Variants in IFT140 observed in about 807,000 individuals in gnomAD.
The protein encoded by IFT140 is intraflagellar transport protein 140 homolog.
Under a neutral mutation model 164.6 loss-of-function variants are expected in IFT140, and 133 were observed. The ratio of observed to expected loss-of-function variants is 0.81; its 90% confidence interval spans 0.70 to 0.93. IFT140 has a LOEUF of 0.93. IFT140 is among the 40% of genes least tolerant of loss of function. The probability of loss-of-function intolerance (pLI) is 0.00; values close to 1 mark genes in which losing one functional copy is unlikely to be tolerated. For synonymous variants in IFT140, 860 were observed against 817.3 expected (o/e 1.05, Z -0.89); for missense variants, 2,045 against 1,972.3 (o/e 1.04, Z -0.70).
intron 1 of IFT140, among the ~76,000 whole-genome samples, chr16:1,611,589 C>G (rs868581250): frequency 6.6e-6 from 1 of 151,730 alleles, no homozygotes; most frequent in East Asian, 1.9e-4. Context: ...CTGAGACGAG[C>G]GGATCACTTG....
chr16:1,539,907 G>A (rs1367709959), intron 19 of IFT140, among the ~76,000 whole-genome samples: 2 of 152,142 alleles, frequency 1.3e-5, no homozygotes, highest in Admixed American at 6.5e-5. Context: ...TCTGCGCACT[G>A]CCCTCACACC....
At chr16:1,534,687 C>G in intron 19 of IFT140, 1 of 1,345,632 alleles carries the variant, frequency 7.4e-7, no homozygotes, top group Non-Finnish European at 1.0e-6. Flanking sequence ...GGCCTCTGGG[C>G]AGGCAGGAGG....
rs2030493632 is a variant in IFT140 at position 1,531,524 on chromosome 16, C to T, written c.2400-4728G>A. On this transcript the variant is annotated intron_variant, in intron 19 of 30. Coordinates refer to ENST00000426508, the MANE Select transcript of IFT140 (RefSeq NM_014714.4). This position sits in a 1 kb window ranked among gnomAD's most constrained non-coding sequence, Gnocchi z 4.7. ...ACTCCACCGTGACCAAGACCCCAAG[C>T]AACAGGGAGAGCAGGAGGGTGTGAT... 1.3e-5 allele frequency: 2 copies of T among 152,370 alleles called. No homozygotes were observed. Among genetic ancestry groups the T allele is most frequent in the Admixed American group, 6.5e-5 (1 of 15,286 alleles). 9.4% of individuals were successfully genotyped at this position (152,370 alleles called of 1,614,324 possible).
At chr16:1,512,390 C>T (rs567633603) in intron 30 of IFT140, among the ~76,000 whole-genome samples, 12 of 152,158 alleles carry the variant, frequency 7.9e-5, no homozygotes, top group African/African-American at 1.2e-4. Flanking sequence ...AGGTGGTGCA[C>T]GTGACCCCGG....
chr16:1,553,750 G>A lies in IFT140; in HGVS notation c.2399+4185C>T, dbSNP rs527863189. On this transcript the variant is annotated intron_variant, in intron 19 of 30. Coordinates refer to ENST00000426508, the MANE Select transcript of IFT140 (RefSeq NM_014714.4). The surrounding 1 kb of genome is among the most constrained non-coding windows in gnomAD (Gnocchi z 4.4). ...CCACATCCCCATGGCTGTAGGGGAT[G>A]AGGAGGGGCAGGGCCATGTGGACAG... 4.3e-6 allele frequency: 5 copies of A among 1,157,546 alleles called. No individual in the cohort carries two copies. The East Asian group carries it at 2.4e-4, about 55-fold the overall frequency. 71.7% of individuals were successfully genotyped at this position (1,157,546 alleles called of 1,614,324 possible). A position where few individuals can be genotyped will look rare whatever the true frequency, so the allele number is the denominator to read the frequency against.
rs1401009784 is a variant in IFT140, at chr16:1,611,969, G to A, written c.-223C>T. ...CACCCAGGAAAGGGTGCGCTTAACT[G>A]CCTCAGACGTGCTTCCACACTTCTC... On this transcript the variant is annotated splice_region_variant and 5_prime_UTR_variant, in exon 1 of 31. Transcript: ENST00000426508. The A allele has an allele frequency of 6.6e-6, 1 of 152,252 alleles. No homozygotes were observed. Among genetic ancestry groups the A allele is most frequent in the African/African-American group, 2.4e-5 (1 of 41,450 alleles). The allele number at this position is 152,252 out of a possible 1,614,324, so 9.4% of individuals were successfully genotyped here.
chr16:1,608,932 G>A (rs1215941811), intron 2 of IFT140, among the ~76,000 whole-genome samples: 1 of 151,994 alleles, frequency 6.6e-6, no homozygotes, highest in Admixed American at 6.6e-5. Context: ...GAGGCGGGTG[G>A]ATCACAAGGT....
intron 19 of IFT140, among the ~76,000 whole-genome samples, chr16:1,544,850 G>C (rs373007828): frequency 6.7e-6 from 1 of 149,234 alleles, no homozygotes; most frequent in African/African-American, 2.5e-5. Flanking sequence ...GGGTTTCACC[G>C]TGTTAGCCAG....
chr16:1,511,132 C>T lies in IFT140; in HGVS notation c.4201G>A (p.Glu1401Lys). 3 of 1,608,426 alleles carry T rather than the reference C, an allele frequency of 1.9e-6. No homozygotes were observed. The highest frequency in any genetic ancestry group is 2.7e-5 in the African/African-American group (2 of 75,032). ...EYQTAYRFLE[E>K]MRRRLPLANM... ...GCCAAGGGAAGCCGCCGCCGCATCTCCTCCAGGAATCTGTAGGCCTGGGGC... is the reference window on the plus strand; with the variant it reads ...GCCAAGGGAAGCCGCCGCCGCATCTTCTCCAGGAATCTGTAGGCCTGGGGC... The change falls in exon 31 of 31, where the codon GAG becomes AAG. Residue 1401 changes from glutamate to lysine, a missense_variant. Physicochemically the swap from Glu to Lys is moderately conservative, Grantham distance 56 (BLOSUM62 1). Coordinates refer to ENST00000426508, the MANE Select transcript of IFT140 (RefSeq NM_014714.4).
chr16:1,591,813 T>C (rs1022973664), intron 6 of IFT140, among the ~76,000 whole-genome samples: 34 of 152,154 alleles, frequency 2.2e-4, no homozygotes, highest in Non-Finnish European at 3.1e-4. Flanking sequence ...TGGCATACAA[T>C]AGGTGCTTGA....
At chr16:1,518,753 A>G (rs1346450062) in intron 29 of IFT140, among the ~76,000 whole-genome samples, 1 of 151,816 alleles carries the variant, frequency 6.6e-6, no homozygotes, top group Non-Finnish European at 1.5e-5. Flanking sequence ...CTCCAAGCAG[A>G]GAGGCTGCCC....
chr16:1,558,087 G>A lies in IFT140; in HGVS notation c.2247C>T (p.His749=), dbSNP rs9930526. ...REDEVEPGCH[H]IPQMVSRRPL... ...GTCTCCTGGACACCATCTGAGGGATGTGGTGGCACCCAGGCTCCACCTCGT... is the reference window on the plus strand; with the variant it reads ...GTCTCCTGGACACCATCTGAGGGATATGGTGGCACCCAGGCTCCACCTCGT... The change falls in exon 19 of 31, where the codon CAC becomes CAT. Residue 749 remains histidine (H), a synonymous_variant. Coordinates refer to ENST00000426508, the MANE Select transcript of IFT140 (RefSeq NM_014714.4). 915 of 1,614,172 alleles carry A rather than the reference G, an allele frequency of 5.7e-4. 5 individuals carry two copies. The African/African-American group carries it at 0.01, about 18-fold the overall frequency.
chr16:1,588,527 AAATAAT>A lies in IFT140; in HGVS notation c.811-509_811-504del, dbSNP rs56785842. ...GTGACAGAGCAAGACTCCGTCTCAA[AAATAAT>A]AATAATAATAATAATAGTAATAATG... On this transcript the variant is annotated intron_variant, in intron 7 of 30. Coordinates refer to ENST00000426508, the MANE Select transcript of IFT140 (RefSeq NM_014714.4). 2.9e-3 allele frequency among the ~76,000 whole-genome samples: 416 copies of A among 145,446 alleles called. 2 individuals carry two copies. Among genetic ancestry groups the A allele is most frequent in the African/African-American group, 9.4e-3 (357 of 38,170 alleles).
intron 30 of IFT140, 86 bp downstream of exon 30, chr16:1,518,130 A>G (rs1349784760): frequency 7.2e-7 from 1 of 1,393,434 alleles, no homozygotes; most frequent in South Asian, 1.3e-5. Context: ...GAGCCGCCAC[A>G]CACAGCCTCA....
At chr16:1,558,267 G>T in intron 18 of IFT140, 133 bp from the exon 19 acceptor site, 4 of 854,650 alleles carry the variant, frequency 4.7e-6, no homozygotes, top group Non-Finnish European at 7.3e-6. Flanking sequence ...TTTACCAACA[G>T]GCCCAGTCCC....
rs781549163 is a variant in IFT140 at position 1,607,165 on chromosome 16, G to A, written c.102C>T (p.Tyr34=). The change falls in exon 3 of 31, where the codon TAC becomes TAT. Residue 34 remains tyrosine, a synonymous_variant. Transcript: ENST00000426508. The part of the protein sequence containing the change: ...HPVHPFLAVA[Y]ISTTSTGSVD... ...CGCTGCCTGTTGAGGTTGTGCTGAT[G>A]TAAGCAACTGCCAAGAATGGATGGA... is the stretch of plus-strand genomic sequence containing the variant. 8.7e-6 allele frequency: 14 copies of A among 1,614,174 alleles called. No individual in the cohort carries two copies. Among genetic ancestry groups the A allele is most frequent in the Non-Finnish European group, 1.2e-5 (14 of 1,180,032 alleles).
At chr16:1,527,837 T>G (rs1461033939) in intron 19 of IFT140, among the ~76,000 whole-genome samples, 2 of 152,186 alleles carry the variant, frequency 1.3e-5, no homozygotes, top group Non-Finnish European at 2.9e-5. Context: ...CCTCCCACAC[T>G]GCTGGGATGA....
At chr16:1,590,852 G>C (rs1187677595) in intron 6 of IFT140, among the ~76,000 whole-genome samples, 3 of 152,074 alleles carry the variant, frequency 2.0e-5, no homozygotes, top group African/African-American at 7.2e-5. Context: ...TGCAGCCTCA[G>C]CCTCCTGGGT....
chr16:1,607,260 G>T lies in IFT140; in HGVS notation c.7C>A (p.Leu3Ile), dbSNP rs1442341163. The change falls in exon 3 of 31, where the codon CTC (leucine) becomes ATC (isoleucine). Residue 3 changes from leucine (L) to isoleucine (I), a missense_variant. Transcript: ENST00000426508. MA[L>I]YYDHQIEAPD... ...GCTTCTATCTGGTGGTCATAATAGA[G>T]GGCCATGACGGAACTCAGGCCTCCT... 2 of 1,613,336 alleles carry T rather than the reference G, an allele frequency of 1.2e-6. No homozygotes were observed. The highest frequency in any genetic ancestry group is 2.2e-5 in the South Asian group (2 of 90,972).
Sources: gnomAD v4.1 joint callset for allele counts (sites outside exome capture counted in the v4.1 genomes callset) on GRCh38, gnomAD v4.1.1 for gene constraint, Gnocchi (gnomAD v3.1) non-coding constraint, MANE v1.5 for transcripts, NCBI Gene and HGNC (gene_info 2026-07-23, HGNC 2026-07-21) for gene names.